NCAM2: variants seen among roughly 807,000 people sequenced by gnomAD.
The protein encoded by NCAM2 is neural cell adhesion molecule 2, also known as N-CAM-2.
In NCAM2, 30 loss-of-function variants were observed where a neutral mutation model predicts 98.1. The ratio of observed to expected loss-of-function variants is 0.31; its 90% CI spans 0.23 to 0.41. The LOEUF (loss-of-function observed/expected upper bound fraction) is 0.41, where lower values mean the gene tolerates loss of function less well. Ranked by LOEUF, NCAM2 falls within the 10% of genes least tolerant of loss-of-function variation. NCAM2 has a pLI of 1.00. For synonymous variants in NCAM2, 368 were observed against 342.4 expected (o/e 1.07, Z -0.83); for missense variants, 867 against 1,005.8 (o/e 0.86, Z 1.87).
intron 1 of NCAM2, among the ~76,000 whole-genome samples, chr21:21,130,187 T>G (rs10211892): frequency 6.6e-6 from 1 of 152,076 alleles, no homozygotes; most frequent in Non-Finnish European, 1.5e-5. Flanking sequence ...TCTTTTGAAT[T>G]GTTGGTTACA....
chr21:21,082,814 C>T (rs527408900), intron 1 of NCAM2, among the ~76,000 whole-genome samples: 32 of 152,216 alleles, frequency 2.1e-4, no homozygotes, highest in Non-Finnish European at 4.0e-4. Context: ...ACAAATTCAC[C>T]ATCTCTCTTA....
At chr21:21,337,918 A>AT (rs2074919722) in intron 7 of NCAM2, among the ~76,000 whole-genome samples, 1 of 152,036 alleles carries the variant, frequency 6.6e-6, no homozygotes, top group Non-Finnish European at 1.5e-5. Context: ...CTTTGGTGAA[A>AT]TTGTTAAAGC....
Position 21,009,336 on chromosome 21 carries a change from T to C in NCAM2, c.55+10718T>C, listed in dbSNP as rs566633490. Among the ~76,000 whole-genome samples, 8 of 152,232 alleles carry C rather than the reference T, an allele frequency of 5.3e-5. No individual in the cohort carries two copies. The South Asian group carries it at 1.7e-3, about 32-fold the overall frequency. Reference sequence around the variant, plus strand: ...GCATATAGGAGATCTTCCATAAATATATGAACGTCTATAAAATAATAAAGT... The same window carrying C: ...GCATATAGGAGATCTTCCATAAATACATGAACGTCTATAAAATAATAAAGT... On this transcript the variant is annotated intron_variant, in intron 1 of 17. Coordinates refer to ENST00000400546, the MANE Select transcript of NCAM2 (RefSeq NM_004540.5).
intron 1 of NCAM2, among the ~76,000 whole-genome samples, chr21:21,237,496 G>A (rs1192851524): frequency 6.6e-6 from 1 of 151,910 alleles, no homozygotes; most frequent in Non-Finnish European, 1.5e-5. Context: ...TATGAATTAG[G>A]AGGAAAAAAT....
Position 21,359,349 on chromosome 21 carries a change from A to G in NCAM2, c.1045-14514A>G, listed in dbSNP as rs183266901. On this transcript the variant is annotated intron_variant, in intron 8 of 17. Transcript: ENST00000400546. Reference sequence around the variant, plus strand: ...TGCTTCTGAGCTTGCTGAGAGGTGGATTTTCAATCATTTACAACTTTCTGA... The same window carrying G: ...TGCTTCTGAGCTTGCTGAGAGGTGGGTTTTCAATCATTTACAACTTTCTGA... Among the ~76,000 whole-genome samples the G allele has an allele frequency of 2.0e-4, 31 of 152,068 alleles. 1 individual carries two copies. The East Asian group carries it at 6.0e-3, about 29-fold the overall frequency.
chr21:21,523,598 A>T (rs981666948), intron 16 of NCAM2, among the ~76,000 whole-genome samples: 3 of 152,036 alleles, frequency 2.0e-5, no homozygotes, highest in Non-Finnish European at 4.4e-5. Context: ...TTATGTGTAT[A>T]TACTACGTAT....
intron 11 of NCAM2, 135 bp from the exon 12 acceptor site, chr21:21,431,973 G>T (rs538416584): frequency 6.1e-6 from 4 of 652,476 alleles, no homozygotes; most frequent in Non-Finnish European, 7.2e-6. Context: ...GTTTCAGGAA[G>T]TTCTGTAACT....
At chr21:21,123,945 C>T (rs147304276) in intron 1 of NCAM2, among the ~76,000 whole-genome samples, 1,660 of 148,308 alleles carry the variant, frequency 0.011, 16 homozygotes, top group Middle Eastern at 0.021. Flanking sequence ...CTTCCGGATT[C>T]AAGACCATTC....
chr21:21,514,695 A>C (rs117865025), intron 16 of NCAM2, among the ~76,000 whole-genome samples: 2,019 of 152,246 alleles, frequency 0.013, 42 homozygotes, highest in East Asian at 0.073. Context: ...CTTTTCAGTT[A>C]GTATTTTTTA....
chr21:21,370,700 T>A (rs1477396391), intron 8 of NCAM2, among the ~76,000 whole-genome samples: 2 of 151,772 alleles, frequency 1.3e-5, no homozygotes, highest in Non-Finnish European at 2.9e-5. Context: ...GACAACCTGG[T>A]CATTCAGCTG....
At chr21:21,438,728 A>G (rs570816793) in intron 12 of NCAM2, among the ~76,000 whole-genome samples, 6 of 152,182 alleles carry the variant, frequency 3.9e-5, no homozygotes, top group African/African-American at 1.4e-4. Context: ...GAAAATACTA[A>G]TCTTACAAAC....
intron 1 of NCAM2, among the ~76,000 whole-genome samples, chr21:21,050,605 T>G (rs2065088672): frequency 1.3e-5 from 2 of 152,234 alleles, no homozygotes; most frequent in Non-Finnish European, 2.9e-5. Flanking sequence ...CATCAACCAC[T>G]GTTCTTTATT....
chr21:21,399,094 C>T (rs957303668), intron 9 of NCAM2, among the ~76,000 whole-genome samples: 1 of 152,088 alleles, frequency 6.6e-6, no homozygotes, highest in Non-Finnish European at 1.5e-5. Context: ...AGTGAGGATC[C>T]AATGGGGTTG....
At chr21:21,532,869 G>A (rs564950681) in intron 16 of NCAM2, among the ~76,000 whole-genome samples, 2 of 151,998 alleles carry the variant, frequency 1.3e-5, no homozygotes, top group Non-Finnish European at 2.9e-5. Context: ...CTTACTTGGG[G>A]CCCTTGATCA....
intron 1 of NCAM2, among the ~76,000 whole-genome samples, chr21:21,245,007 C>A (rs554796636): frequency 6.8e-4 from 104 of 152,186 alleles, no homozygotes; most frequent in Admixed American, 1.6e-3. Flanking sequence ...CATAAAATAA[C>A]CAGTATTCAA....
Position 21,286,398 on chromosome 21 carries a change from C to T in NCAM2, c.467C>T (p.Thr156Ile), listed in dbSNP as rs1268386143. ...TGGTTGTATCATAATGAGGAAGTCA[C>T]CACTATTTCCGACAGTTAGTATTTT... Reference protein sequence around the residue: ...VSWLYHNEEVTTISDNRFAML... With the variant: ...VSWLYHNEEVITISDNRFAML... Residue 156 changes from threonine (T) to isoleucine (I), a missense_variant, in exon 4 of 18, where the codon ACC becomes ATC. Physicochemically the swap from Thr to Ile is moderately conservative, Grantham distance 89. Around this residue, in one of 5 missense-constraint regions of NCAM2, gnomAD observed 447 missense variants for 495.7 expected, o/e 0.90. Transcript: ENST00000400546. 6.2e-7 allele frequency: 1 copy of T among 1,611,900 alleles called. No individual in the cohort carries two copies. The highest frequency in any genetic ancestry group is 1.1e-5 in the South Asian group (1 of 90,946).
chr21:21,389,426 A>G (rs754669771), intron 9 of NCAM2, among the ~76,000 whole-genome samples: 15 of 152,248 alleles, frequency 9.9e-5, no homozygotes, highest in Non-Finnish European at 1.9e-4. Context: ...GGACACAGCT[A>G]AACCATATTG....
intron 1 of NCAM2, among the ~76,000 whole-genome samples, chr21:21,161,444 A>G (rs1229286540): frequency 2.0e-5 from 3 of 151,842 alleles, no homozygotes; most frequent in East Asian, 3.9e-4. Context: ...TTTTTAATAT[A>G]TTCACACCTA....
At chr21:21,328,280 C>G (rs762436331) in intron 6 of NCAM2, among the ~76,000 whole-genome samples, 2 of 152,102 alleles carry the variant, frequency 1.3e-5, no homozygotes, top group Admixed American at 1.3e-4. Context: ...ATTTTATACA[C>G]TACATAATAC....
Sources: allele counts gnomAD v4.1 joint callset (sites outside exome capture counted in the v4.1 genomes callset), GRCh38; gene constraint gnomAD v4.1.1; regional missense constraint gnomAD v4.1.1; transcripts MANE v1.5; gene names NCBI Gene and HGNC (gene_info 2026-07-23, HGNC 2026-07-21).